Variants in PC observed in about 807,000 individuals in gnomAD.
PC encodes pyruvate carboxylase.
In PC, 46 loss-of-function variants were observed where a neutral mutation model predicts 107.8. The ratio of observed to expected loss-of-function variants is 0.43; its 90% confidence interval spans 0.34 to 0.55. PC has a LOEUF of 0.55. PC is among the 20% of genes least tolerant of loss of function. The probability of loss-of-function intolerance (pLI) is 0.04; values close to 1 mark genes in which losing one functional copy is unlikely to be tolerated. For synonymous variants in PC, 662 were observed against 684.7 expected (o/e 0.97, Z 0.52); for missense variants, 1,241 against 1,643.1 (o/e 0.76, Z 4.23).
chr11:66,858,549 T>C lies in PC; in HGVS notation c.1369-5166A>G. Reference sequence around the variant, plus strand: ...GCCCGGCCTGGCCGGCCGCTACTTCTGGGCAGTGCCCGAGGGCGAGTTCTC... The same window carrying C: ...GCCCGGCCTGGCCGGCCGCTACTTCCGGGCAGTGCCCGAGGGCGAGTTCTC... On this transcript the variant is annotated intron_variant, in intron 12 of 22. Coordinates refer to ENST00000393960, the MANE Select transcript of PC (RefSeq NM_001040716.2). This position sits in a 1 kb window ranked among gnomAD's most constrained non-coding sequence, Gnocchi z 5.9. 2.0e-6 allele frequency: 3 copies of C among 1,533,714 alleles called. No individual in the cohort carries two copies. The highest frequency in any genetic ancestry group is 2.4e-5 in the South Asian group (2 of 83,938).
chr11:66,860,006 G>GCGGAGCCCCCCGCCC, intron 12 of PC: 7 of 1,593,888 alleles, frequency 4.4e-6, no homozygotes, highest in Non-Finnish European at 6.0e-6. Flanking sequence ...CCCACCCGCC[G>GCGGAGCCCCCCGCCC]CGGAGCCCCC....
chr11:66,926,635 A>G (rs568208476), intron 3 of PC, among the ~76,000 whole-genome samples: 1 of 152,284 alleles, frequency 6.6e-6, no homozygotes, highest in South Asian at 2.1e-4. Flanking sequence ...TAGCATATTT[A>G]TAATGTTGGT....
chr11:66,860,069 C>T lies in PC; in HGVS notation c.1368+3705G>A, dbSNP rs754243097. ...TGGACCTGGGAGATGCCGGGTGCTA[C>T]GGTTATGCCAGGCGCCTGGGAGGAG... On this transcript the variant is annotated intron_variant, in intron 12 of 22. Coordinates refer to ENST00000393960, the MANE Select transcript of PC (RefSeq NM_001040716.2). 9.3e-5 allele frequency: 145 copies of T among 1,562,482 alleles called. 1 individual carries two copies. Among genetic ancestry groups the T allele is most frequent in the Middle Eastern group, 3.4e-4 (2 of 5,958 alleles).
At chr11:66,940,538 A>T (rs1949104743) in intron 3 of PC, among the ~76,000 whole-genome samples, 1 of 151,580 alleles carries the variant, frequency 6.6e-6, no homozygotes, top group South Asian at 2.1e-4. Context: ...AAATACAAAA[A>T]CTACAGCTAC....
chr11:66,858,322 G>A lies in PC; in HGVS notation c.1369-4939C>T, dbSNP rs773798162. ...CCCCCAGGCGCCTTCGCCCAGCTCG[G>A]TCAGCTCTCCCGCCTGGACCTCACC... On this transcript the variant is annotated intron_variant, in intron 12 of 22. Transcript: ENST00000393960. This position sits in a 1 kb window ranked among gnomAD's most constrained non-coding sequence, Gnocchi z 5.9. 4 of 1,607,758 alleles carry A rather than the reference G, an allele frequency of 2.5e-6. No individual in the cohort carries two copies. Among genetic ancestry groups the A allele is most frequent in the Admixed American group, 1.7e-5 (1 of 59,768 alleles).
At chr11:66,854,156 G>A (rs1591129918) in intron 12 of PC, among the ~76,000 whole-genome samples, 1 of 152,180 alleles carries the variant, frequency 6.6e-6, no homozygotes, top group African/African-American at 2.4e-5. Flanking sequence ...ATTCGACCAC[G>A]GCCATTTTGG....
intron 3 of PC, among the ~76,000 whole-genome samples, chr11:66,886,437 C>G (rs910384075): frequency 2.6e-5 from 4 of 151,872 alleles, no homozygotes; most frequent in Non-Finnish European, 5.9e-5. Context: ...AGCAGGGAGA[C>G]AGATTTGCAA....
chr11:66,930,165 C>T (rs1948811958), intron 3 of PC, among the ~76,000 whole-genome samples: 1 of 151,664 alleles, frequency 6.6e-6, no homozygotes, highest in Non-Finnish European at 1.5e-5. Flanking sequence ...TGTCTAAATC[C>T]TTGGCAGGTA....
intron 3 of PC, among the ~76,000 whole-genome samples, chr11:66,928,854 G>C (rs1054543129): frequency 1.4e-4 from 21 of 152,012 alleles, no homozygotes; most frequent in Admixed American, 6.6e-5. Flanking sequence ...GGCAATTTCA[G>C]AAATCAAAAG....
intron 12 of PC, chr11:66,859,560 T>C: frequency 6.3e-7 from 1 of 1,585,310 alleles, no homozygotes; most frequent in Admixed American, 1.8e-5. Flanking sequence ...TGTTTGGAGC[T>C]GGGAGCACGG....
rs544397927 is a variant in PC, at chr11:66,927,801, T to A, written c.-1+24629A>T. ...CCCCACTAGAAAGGGCTGGATGGTG[T>A]CAAGCCTACTCAAGGGGAGAGGGTA... is the stretch of plus-strand genomic sequence containing the variant. On this transcript the variant is annotated intron_variant, in intron 3 of 22. Coordinates refer to ENST00000393960, the MANE Select transcript of PC (RefSeq NM_001040716.2). Among the ~76,000 whole-genome samples the A allele has an allele frequency of 3.1e-3, 463 of 150,944 alleles. 2 individuals are homozygous for A. The highest frequency in any genetic ancestry group is 5.4e-3 in the Non-Finnish European group (366 of 67,816).
chr11:66,932,914 T>C (rs558633328), intron 3 of PC, among the ~76,000 whole-genome samples: 1 of 152,256 alleles, frequency 6.6e-6, no homozygotes, highest in South Asian at 2.1e-4. Flanking sequence ...AAGAAGTAGT[T>C]GGGAGAAAAA....
chr11:66,934,752 C>T (rs1948951467), intron 3 of PC, among the ~76,000 whole-genome samples: 1 of 152,168 alleles, frequency 6.6e-6, no homozygotes, highest in Non-Finnish European at 1.5e-5. Context: ...CTACCTCAGC[C>T]TCCCACCACA....
intron 3 of PC, among the ~76,000 whole-genome samples, chr11:66,897,023 C>G (rs1205274544): frequency 6.6e-6 from 1 of 152,060 alleles, no homozygotes; most frequent in South Asian, 2.1e-4. Context: ...CCTCTGCCCC[C>G]GGGATTCAAG....
chr11:66,942,541 CAG>C (rs1289445145), intron 3 of PC, among the ~76,000 whole-genome samples: 2 of 152,030 alleles, frequency 1.3e-5, no homozygotes, highest in Admixed American at 1.3e-4. Flanking sequence ...CAGTCCAATT[CAG>C]AGACAGAAAG....
chr11:66,873,510 ATATTATATTATATATTATAATATATATT>A (rs1484312290), intron 3 of PC, among the ~76,000 whole-genome samples: 293 of 1,346 alleles, frequency 0.22, 3 homozygotes, highest in African/African-American at 0.23. Flanking sequence ...ATAATATTAT[ATATTATATTATATATTATAATATATATT>A]ATATATAATA....
chr11:66,926,584 C>T (rs1311400416), intron 3 of PC, among the ~76,000 whole-genome samples: 2 of 152,160 alleles, frequency 1.3e-5, no homozygotes, highest in African/African-American at 2.4e-5. Context: ...CCTAATGATG[C>T]ACATATTCTG....
chr11:66,885,248 G>A (rs946945349), intron 3 of PC, among the ~76,000 whole-genome samples: 5 of 152,158 alleles, frequency 3.3e-5, no homozygotes, highest in African/African-American at 4.8e-5. Flanking sequence ...CAGCACTTTC[G>A]GAGGCTGAAG....
chr11:66,859,644 C>T (rs748779643), intron 12 of PC: 15 of 1,612,900 alleles, frequency 9.3e-6, no homozygotes, highest in Non-Finnish European at 1.3e-5. Context: ...CAGGATTGTC[C>T]CAGCCTCCAG....
Sources: allele counts gnomAD v4.1 joint callset (sites outside exome capture counted in the v4.1 genomes callset), GRCh38; gene constraint gnomAD v4.1.1; non-coding constraint Gnocchi (gnomAD v3.1); transcripts MANE v1.5; gene names NCBI Gene and HGNC (gene_info 2026-07-23, HGNC 2026-07-21).